The following BCKDHB variants were observed in gnomAD, a reference collection of about 807,000 sequenced individuals.
BCKDHB encodes the protein 2-oxoisovalerate dehydrogenase subunit beta, mitochondrial.
BCKDHB carries 41 observed loss-of-function variants against 48.5 expected under a neutral mutation model. The observed-to-expected ratio is 0.85, with a 90% CI of 0.66 to 1.10. The LOEUF (loss-of-function observed/expected upper bound fraction) is 1.10. Among genes scored for constraint, BCKDHB ranks in the 50% least tolerant of loss-of-function variants. The pLI is 0.00. For synonymous variants in BCKDHB, 201 were observed against 174.8 expected (o/e 1.15, Z -1.18); for missense variants, 496 against 494.2 (o/e 1.00, Z -0.03).
chr6:80,117,986 G>C (rs1335138138), intron 1 of BCKDHB, among the ~76,000 whole-genome samples: 1 of 152,086 alleles, frequency 6.6e-6, no homozygotes, highest in Non-Finnish European at 1.5e-5. Flanking sequence ...TAGGTTCTTA[G>C]CTATGGAAAT....
At chr6:80,179,527 T>G (rs1773315346) in intron 6 of BCKDHB, among the ~76,000 whole-genome samples, 1 of 152,164 alleles carries the variant, frequency 6.6e-6, no homozygotes, top group Non-Finnish European at 1.5e-5. Flanking sequence ...ATAGGTTCTA[T>G]GCAAATCCTG....
the BCKDHB span, among the ~76,000 whole-genome samples, chr6:80,373,041 ATGTC>A: frequency 6.6e-6 from 1 of 152,082 alleles, no homozygotes; most frequent in Non-Finnish European, 1.5e-5. Flanking sequence ...TCTTCTTTGA[ATGTC>A]TGATAAAATT....
chr6:80,148,462 C>G (rs1047961360), intron 3 of BCKDHB, among the ~76,000 whole-genome samples: 2 of 152,114 alleles, frequency 1.3e-5, no homozygotes, highest in Non-Finnish European at 2.9e-5. Context: ...TCAGAGCTGT[C>G]AAGCTCTGCT....
chr6:80,201,196 A>G (rs1239457448), intron 7 of BCKDHB, among the ~76,000 whole-genome samples, 165 bp downstream of exon 7: 1 of 152,190 alleles, frequency 6.6e-6, no homozygotes, highest in Non-Finnish European at 1.5e-5. Context: ...ATTGGTGTGT[A>G]ATTGACAAAT....
Position 80,191,407 on chromosome 6 carries a change from G to A in BCKDHB, c.743-9527G>A, listed in dbSNP as rs146126643. On this transcript the variant is annotated intron_variant, in intron 6 of 9. Coordinates refer to ENST00000320393, the MANE Select transcript of BCKDHB (RefSeq NM_183050.4). ...TAGGGGGAATTGTTGCTCCTCATGG[G>A]TAATATTGGATTTATGAAAACTGAG... 2.3e-3 allele frequency among the ~76,000 whole-genome samples: 357 copies of A among 152,144 alleles called. 1 individual carries two copies. Among genetic ancestry groups the A allele is most frequent in the Non-Finnish European group, 3.4e-3 (233 of 67,986 alleles).
At chr6:80,458,467 C>G in the BCKDHB span, among the ~76,000 whole-genome samples, 3 of 152,200 alleles carry the variant, frequency 2.0e-5, no homozygotes, top group African/African-American at 7.2e-5. Flanking sequence ...TGAAGGCAGA[C>G]AGTGTGTATG....
chr6:80,130,009 A>T (rs1770550286), intron 3 of BCKDHB, among the ~76,000 whole-genome samples: 1 of 152,148 alleles, frequency 6.6e-6, no homozygotes, highest in Non-Finnish European at 1.5e-5. Flanking sequence ...TACATGTTTT[A>T]TCCCAGCTGA....
intron 6 of BCKDHB, among the ~76,000 whole-genome samples, chr6:80,200,063 CAA>C (rs55737130): frequency 7.8e-3 from 255 of 32,758 alleles, no homozygotes; most frequent in African/African-American, 0.021. Flanking sequence ...GACCCTGTCT[CAA>C]AAAAAAAAAA....
At chr6:80,306,324 A>G (rs557467548) in intron 9 of BCKDHB, among the ~76,000 whole-genome samples, 16 of 152,306 alleles carry the variant, frequency 1.1e-4, no homozygotes, top group South Asian at 6.2e-4. Flanking sequence ...TGAGGTTTAA[A>G]GTGTCTAGGA....
Position 80,185,320 on chromosome 6 carries a change from C to T in BCKDHB, c.742+13930C>T, listed in dbSNP as rs190084470. ...TCTCTGTATACCTTTTCATCCATAT[C>T]CTGCACTGTTTTTTTTTAAATTTTC... On this transcript the variant is annotated intron_variant, in intron 6 of 9. Transcript: ENST00000320393. Among the ~76,000 whole-genome samples, 10 of 152,016 alleles carry T rather than the reference C, an allele frequency of 6.6e-5. No homozygotes were observed. The East Asian group carries it at 1.7e-3, about 26-fold the overall frequency.
chr6:80,416,069 C>T, the BCKDHB span, among the ~76,000 whole-genome samples: 36 of 151,670 alleles, frequency 2.4e-4, no homozygotes, highest in Non-Finnish European at 5.0e-4. Flanking sequence ...TAGAGGTGTT[C>T]ATGATATTCT....
chr6:80,391,835 A>G, the BCKDHB span, among the ~76,000 whole-genome samples: 4 of 152,264 alleles, frequency 2.6e-5, no homozygotes, highest in Middle Eastern at 3.4e-3. Context: ...ACATTGCTGT[A>G]TTGATTATTA....
chr6:80,114,626 T>C lies in BCKDHB; in HGVS notation c.196+7737T>C, dbSNP rs79759861. 1.8e-3 allele frequency among the ~76,000 whole-genome samples: 274 copies of C among 152,244 alleles called. 5 individuals carry two copies. The East Asian group carries it at 0.051, about 28-fold the overall frequency. On this transcript the variant is annotated intron_variant, in intron 1 of 9. Coordinates refer to ENST00000320393, the MANE Select transcript of BCKDHB (RefSeq NM_183050.4). ...GTGAAGGATGAAAAAAAGGAAGACA[T>C]TGTGAAGATACCTCACTGGTTTGTG...
the BCKDHB span, among the ~76,000 whole-genome samples, chr6:80,407,225 C>T: frequency 5.3e-5 from 8 of 151,928 alleles, no homozygotes; most frequent in African/African-American, 7.3e-5. Flanking sequence ...ATATCTGCTT[C>T]GATAACAATA....
chr6:80,433,499 A>C, the BCKDHB span, among the ~76,000 whole-genome samples: 1 of 151,926 alleles, frequency 6.6e-6, no homozygotes, highest in East Asian at 1.9e-4. Context: ...AATGGCAGAC[A>C]CCCCTCCCCG....
chr6:80,248,473 G>T (rs975187987), intron 8 of BCKDHB, among the ~76,000 whole-genome samples: 1 of 152,148 alleles, frequency 6.6e-6, no homozygotes, highest in Non-Finnish European at 1.5e-5. Flanking sequence ...TTCACTCAGT[G>T]TTCAACATTT....
intron 1 of BCKDHB, among the ~76,000 whole-genome samples, chr6:80,123,256 A>G (rs2997393): frequency 0.037 from 5,580 of 152,276 alleles, 322 homozygotes; most frequent in African/African-American, 0.13. Context: ...AGTTAACACA[A>G]TTATCACAGT....
intron 9 of BCKDHB, among the ~76,000 whole-genome samples, chr6:80,331,987 T>G (rs1368771364): frequency 6.6e-6 from 1 of 152,194 alleles, no homozygotes; most frequent in African/African-American, 2.4e-5. Context: ...ATGATGAAAT[T>G]TAATGCACCA....
intron 3 of BCKDHB, among the ~76,000 whole-genome samples, chr6:80,157,644 A>AT (rs70981407): frequency 0.015 from 2,111 of 137,450 alleles, 17 homozygotes; most frequent in Non-Finnish European, 0.023. Flanking sequence ...TTTTTTTTGT[A>AT]TTTTTTTTTT....
Sources: gnomAD v4.1 joint callset for allele counts (sites outside exome capture counted in the v4.1 genomes callset) on GRCh38, gnomAD v4.1.1 for gene constraint, MANE v1.5 for transcripts, NCBI Gene and HGNC (gene_info 2026-07-23, HGNC 2026-07-21) for gene names.